Variants in DCDC1 observed in about 807,000 individuals in gnomAD.
The protein encoded by DCDC1 is doublecortin domain containing 1, also known as doublecortin domain-containing protein 1.
Under a neutral mutation model 178.3 loss-of-function variants are expected in DCDC1, and 200 were observed. The ratio of observed to expected loss-of-function variants is 1.12; its 90% confidence interval spans 1.00 to 1.26. The LOEUF (loss-of-function observed/expected upper bound fraction) is 1.26, where lower values mean the gene tolerates loss of function less well. Among genes scored for constraint, DCDC1 ranks in the 50% most tolerant of loss-of-function variants. The pLI, the probability that DCDC1 is intolerant of heterozygous loss-of-function variation, is 0.00. For missense variants in DCDC1, 1,983 were observed against 1,749.2 expected, an observed-to-expected ratio of 1.13 and a Z score of -2.38; for synonymous variants, 690 against 604.8, an observed-to-expected ratio of 1.14 and a Z score of -2.07.
At chr11:30,919,138 A>T (rs1166703554) in intron 25 of DCDC1, among the ~76,000 whole-genome samples, 1 of 152,138 alleles carries the variant, frequency 6.6e-6, no homozygotes, top group East Asian at 1.9e-4. Context: ...GGTTCAAATG[A>T]CTAGTGACAG....
intron 8 of DCDC1, among the ~76,000 whole-genome samples, chr11:31,251,786 C>T (rs1258134618): frequency 6.6e-6 from 1 of 152,060 alleles, no homozygotes; most frequent in Non-Finnish European, 1.5e-5. Context: ...AGGCAATAGC[C>T]TGCCAAGAGG....
chr11:31,296,572 C>T (rs138025616), intron 6 of DCDC1, among the ~76,000 whole-genome samples: 47 of 152,250 alleles, frequency 3.1e-4, no homozygotes, highest in Non-Finnish European at 5.3e-4. Flanking sequence ...TTTACAGCAG[C>T]GCTCCACTAC....
rs770135020 is a variant in DCDC1 at position 31,065,157 on chromosome 11, T to C, written c.2299-4A>G. On this transcript the variant is annotated splice_region_variant and splice_polypyrimidine_tract_variant and intron_variant, in intron 18 of 38. Transcript: ENST00000684477. Reference sequence around the variant, plus strand: ...TCAGAACAAACTGAGGATAAGCCTGTAAGAAAGGAAAAAATAACAAGTAGT... The same window carrying C: ...TCAGAACAAACTGAGGATAAGCCTGCAAGAAAGGAAAAAATAACAAGTAGT... 1 of 739,268 alleles carries C rather than the reference T, an allele frequency of 1.4e-6. No homozygotes were observed. Among genetic ancestry groups the C allele is most frequent in the South Asian group, 1.4e-5 (1 of 69,604 alleles). 45.8% of individuals were successfully genotyped at this position (739,268 alleles called of 1,614,324 possible).
Position 31,029,755 on chromosome 11 carries a change from G to A in DCDC1, c.2591+34714C>T, listed in dbSNP as rs72882664. Reference sequence around the variant, plus strand: ...GCATTTTGAGCTTTGCTTTTTTCTCGAATATGAGGCTGACATTCGTGTTAA... The same window carrying A: ...GCATTTTGAGCTTTGCTTTTTTCTCAAATATGAGGCTGACATTCGTGTTAA... On this transcript the variant is annotated intron_variant, in intron 20 of 38. Transcript: ENST00000684477. 5.4e-3 allele frequency among the ~76,000 whole-genome samples: 821 copies of A among 151,858 alleles called. 4 individuals carry two copies. The highest frequency in any genetic ancestry group is 0.01 in the Non-Finnish European group (692 of 67,904).
Position 30,903,649 on chromosome 11 carries a change from GC to G in DCDC1, c.4342del (p.Ala1448ProfsTer26). 6.2e-7 allele frequency: 1 copy of G among 1,609,260 alleles called. No homozygotes were observed. Among genetic ancestry groups the G allele is most frequent in the East Asian group, 2.2e-5 (1 of 44,758 alleles). ...GGTATATACTTTGGAGGCTGCTCTG[GC>G]AAGCCCAAGTTGTTCCGTGCATTCT... ...LTECTEQLGL[A>X]RAASKVYTKD... is the part of the protein sequence containing the mutation. On this transcript the variant is annotated frameshift_variant, in exon 32 of 39. Transcript: ENST00000684477. LOFTEE classifies it high-confidence loss of function.
rs1303029679 is a variant in DCDC1, at chr11:30,894,243, C to T, written c.4902+5G>A. 2 of 1,610,104 alleles carry T rather than the reference C, an allele frequency of 1.2e-6. No individual in the cohort carries two copies. The highest frequency in any genetic ancestry group is 8.5e-7 in the Non-Finnish European group (1 of 1,178,868). On this transcript the variant is annotated splice_donor_5th_base_variant and intron_variant, in intron 35 of 38. Coordinates refer to ENST00000684477, the MANE Select transcript of DCDC1 (RefSeq NM_001387274.1). ...CTTTAATGTCCAGAATCCCAAAGAA[C>T]ATACCTCTGTATGTCTTATAAGTTC...
chr11:31,268,747 G>A (rs988702481), intron 7 of DCDC1, among the ~76,000 whole-genome samples: 1 of 152,176 alleles, frequency 6.6e-6, no homozygotes, highest in African/African-American at 2.4e-5. Flanking sequence ...CCAGTAATGG[G>A]ATTGCTGGGT....
intron 20 of DCDC1, among the ~76,000 whole-genome samples, chr11:31,038,566 A>G (rs1954230868): frequency 6.6e-6 from 1 of 152,196 alleles, no homozygotes; most frequent in African/African-American, 2.4e-5. Flanking sequence ...CAACTGACAA[A>G]TAAAATACAT....
At chr11:31,345,392 C>A (rs998391746) in intron 1 of DCDC1, among the ~76,000 whole-genome samples, 1 of 152,050 alleles carries the variant, frequency 6.6e-6, no homozygotes, top group Non-Finnish European at 1.5e-5. Flanking sequence ...CGTGTGACAC[C>A]TTGTCATGCT....
At chr11:30,971,613 T>G (rs185675558) in intron 20 of DCDC1, among the ~76,000 whole-genome samples, 63 of 139,494 alleles carry the variant, frequency 4.5e-4, no homozygotes, top group Non-Finnish European at 7.6e-4. Flanking sequence ...GTTTTTTTTT[T>G]TTTTTTTTTT....
chr11:31,343,920 A>AAAATAAATAAAT (rs57107732), intron 1 of DCDC1, among the ~76,000 whole-genome samples: 15 of 149,398 alleles, frequency 1.0e-4, no homozygotes, highest in African/African-American at 3.7e-4. Context: ...ACTCCATCTC[A>AAAATAAATAAAT]AAATAAATAA....
chr11:31,154,843 G>A (rs1318590948), intron 9 of DCDC1, among the ~76,000 whole-genome samples: 3 of 152,156 alleles, frequency 2.0e-5, no homozygotes, highest in African/African-American at 7.2e-5. Flanking sequence ...GTCCTCTCTG[G>A]AGCGCGAGTG....
At chr11:31,098,564 T>G (rs544505274) in intron 15 of DCDC1, among the ~76,000 whole-genome samples, 1 of 152,328 alleles carries the variant, frequency 6.6e-6, no homozygotes, top group South Asian at 2.1e-4. Flanking sequence ...AAGCCAATTT[T>G]AAAACATATG....
chr11:31,102,181 T>C lies in DCDC1; in HGVS notation c.1979A>G (p.Asn660Ser). 1 of 714,800 alleles carries C rather than the reference T, an allele frequency of 1.4e-6. No homozygotes were observed. The allele number at this position is 714,800 out of a possible 1,614,324, so 44.3% of individuals were successfully genotyped here. ...GTACAATAACTAAAATCCCACCTTG[T>C]TCTGTAGAAAATGGTTCTCCAAGTC... Reference protein sequence around the residue: ...KVDLENHFLQNKVDPNIVLHA... With the variant: ...KVDLENHFLQSKVDPNIVLHA... Residue 660 changes from asparagine to serine, a missense_variant, in exon 15 of 39, where the codon AAC becomes AGC. By Grantham distance (46) the Asn-to-Ser change is conservative (BLOSUM62 1). Transcript: ENST00000684477.
At chr11:31,231,705 A>AT (rs1376857990) in intron 9 of DCDC1, among the ~76,000 whole-genome samples, 9 of 134,178 alleles carry the variant, frequency 6.7e-5, no homozygotes, top group Non-Finnish European at 1.5e-4. Flanking sequence ...TGGAGGGAAC[A>AT]CAAAAAAAAA....
intron 1 of DCDC1, among the ~76,000 whole-genome samples, chr11:31,341,621 G>A (rs567863997): frequency 1.1e-4 from 16 of 152,202 alleles, no homozygotes; most frequent in South Asian, 4.1e-4. Flanking sequence ...GTAGAACACC[G>A]TAGGCAATTT....
intron 6 of DCDC1, among the ~76,000 whole-genome samples, chr11:31,302,322 CTG>C (rs1948169410): frequency 6.6e-6 from 1 of 152,142 alleles, no homozygotes; most frequent in Admixed American, 6.6e-5. Context: ...AGAATTTTCA[CTG>C]TGTCACAATT....
chr11:31,164,012 G>A (rs142262968), intron 9 of DCDC1, among the ~76,000 whole-genome samples: 1 of 152,048 alleles, frequency 6.6e-6, no homozygotes, highest in East Asian at 1.9e-4. Flanking sequence ...GCTTCTATCT[G>A]TAAATAACAT....
chr11:30,904,658 C>A, intron 31 of DCDC1: 1 of 344,492 alleles, frequency 2.9e-6, no homozygotes, highest in Non-Finnish European at 5.4e-6. Context: ...CAGAAAAAGG[C>A]ATTCAGTCTA....
Sources: gnomAD v4.1 joint callset for allele counts (sites outside exome capture counted in the v4.1 genomes callset) on GRCh38, gnomAD v4.1.1 for gene constraint, MANE v1.5 for transcripts, NCBI Gene and HGNC (gene_info 2026-07-23, HGNC 2026-07-21) for gene names.